Variants in ROBO2 observed in about 807,000 individuals in gnomAD.
ROBO2 encodes roundabout guidance receptor 2.
Under a neutral mutation model 160.8 loss-of-function variants are expected in ROBO2, and 53 were observed. The observed-to-expected ratio is 0.33, with a 90% CI of 0.26 to 0.41. The LOEUF (loss-of-function observed/expected upper bound fraction) is 0.41. ROBO2 is among the 10% of genes least tolerant of loss of function. ROBO2 has a pLI of 1.00. For missense variants in ROBO2, 1,577 were observed against 1,722.4 expected (o/e 0.92, Z 1.49); for synonymous variants, 664 against 611.7 (o/e 1.09, Z -1.26).
At chr3:76,867,244 T>C (rs2071478829) in intron 2 of ROBO2, among the ~76,000 whole-genome samples, 8 of 152,160 alleles carry the variant, frequency 5.3e-5, no homozygotes, top group Admixed American at 5.2e-4. Flanking sequence ...AAACTTGTCA[T>C]TCGGGCTGTC....
chr3:75,986,536 A>T (rs1012494127), intron 2 of ROBO2, among the ~76,000 whole-genome samples: 4 of 151,364 alleles, frequency 2.6e-5, no homozygotes, highest in Admixed American at 6.6e-5. Flanking sequence ...GCAGTTTTTT[A>T]AAAAAAGTTT....
intron 2 of ROBO2, among the ~76,000 whole-genome samples, chr3:77,203,183 C>T (rs911002466): frequency 6.6e-6 from 1 of 152,182 alleles, no homozygotes; most frequent in Non-Finnish European, 1.5e-5. Flanking sequence ...AAAAGCACTG[C>T]ACATAAATGT....
At chr3:76,389,714 GTGATGAAGCTT>G (rs1361543856) in intron 2 of ROBO2, among the ~76,000 whole-genome samples, 1 of 152,170 alleles carries the variant, frequency 6.6e-6, no homozygotes, top group Non-Finnish European at 1.5e-5. Context: ...GTTACAAGCT[GTGATGAAGCTT>G]CTTATGAAGT....
intron 2 of ROBO2, among the ~76,000 whole-genome samples, chr3:76,991,073 TACTTA>T (rs2060640015): frequency 6.6e-6 from 1 of 152,144 alleles, no homozygotes; most frequent in South Asian, 2.1e-4. Flanking sequence ...CTTCCAAGTG[TACTTA>T]ACTTTCTTTT....
At chr3:77,052,064 G>A (rs1274361957) in intron 1 of ROBO2, among the ~76,000 whole-genome samples, 1 of 152,126 alleles carries the variant, frequency 6.6e-6, no homozygotes, top group East Asian at 1.9e-4. Flanking sequence ...TTTTCTCTTT[G>A]AGCAGATGAC....
chr3:77,125,842 TAAAC>T (rs772047149), intron 2 of ROBO2, among the ~76,000 whole-genome samples: 78 of 152,304 alleles, frequency 5.1e-4, no homozygotes, highest in Non-Finnish European at 8.2e-4. Flanking sequence ...TATCATAAAA[TAAAC>T]TATATACAAT....
intron 2 of ROBO2, among the ~76,000 whole-genome samples, chr3:76,031,710 A>C (rs1173759475): frequency 1.3e-5 from 2 of 152,080 alleles, no homozygotes; most frequent in African/African-American, 4.8e-5. Flanking sequence ...CCAGGGATGA[A>C]GCCAACTCGA....
rs1306315316 is a variant in ROBO2, at chr3:77,322,909, T to G, written c.389-154505T>G. 1.1e-4 allele frequency among the ~76,000 whole-genome samples: 12 copies of G among 113,012 alleles called. 2 individuals carry two copies. Among genetic ancestry groups the G allele is most frequent in the African/African-American group, 7.2e-5 (2 of 27,906 alleles). The allele number at this position is 113,012 out of a possible 152,430, so 74.1% of individuals were successfully genotyped here. ...TATATTATACATATATTATGTATTA[T>G]AATATATTATATATTATGGATAATA... On this transcript the variant is annotated intron_variant, in intron 2 of 25. Transcript: ENST00000461745.
chr3:76,849,814 C>T (rs2069145231), intron 2 of ROBO2, among the ~76,000 whole-genome samples: 1 of 152,112 alleles, frequency 6.6e-6, no homozygotes, highest in South Asian at 2.1e-4. Flanking sequence ...CTTACTCTGC[C>T]ATCTTGACAA....
At chr3:76,565,444 C>T (rs2108529181) in intron 2 of ROBO2, among the ~76,000 whole-genome samples, 1 of 152,120 alleles carries the variant, frequency 6.6e-6, no homozygotes, top group East Asian at 1.9e-4. Context: ...CTCTAAAATT[C>T]CACAGTTCTT....
At chr3:77,117,906 A>G (rs1579124849) in intron 2 of ROBO2, among the ~76,000 whole-genome samples, 1 of 152,332 alleles carries the variant, frequency 6.6e-6, no homozygotes, top group East Asian at 1.9e-4. Flanking sequence ...ATTTTCACAC[A>G]TTCTCTTGAA....
intron 2 of ROBO2, among the ~76,000 whole-genome samples, chr3:76,803,808 T>C (rs989149870): frequency 6.6e-6 from 1 of 152,118 alleles, no homozygotes; most frequent in Admixed American, 6.5e-5. Flanking sequence ...AATGTTAGGA[T>C]GTCTAGAGGG....
chr3:75,986,473 A>AT (rs535297966), intron 2 of ROBO2, among the ~76,000 whole-genome samples: 46 of 149,408 alleles, frequency 3.1e-4, no homozygotes, highest in Middle Eastern at 3.4e-3. Flanking sequence ...TCATTTGCAA[A>AT]TTTTTTTTTC....
At chr3:77,397,914 G>A (rs907981017) in intron 2 of ROBO2, among the ~76,000 whole-genome samples, 5 of 151,774 alleles carry the variant, frequency 3.3e-5, no homozygotes, top group Non-Finnish European at 7.4e-5. Flanking sequence ...AAAATTAGGA[G>A]CAACAAAGAA....
chr3:76,633,715 T>C (rs1160025288), intron 2 of ROBO2, among the ~76,000 whole-genome samples: 1 of 152,214 alleles, frequency 6.6e-6, no homozygotes, highest in Non-Finnish European at 1.5e-5. Context: ...TGTGGATTAA[T>C]CTGCACAACA....
At chr3:77,437,807 A>G (rs534453807) in intron 2 of ROBO2, among the ~76,000 whole-genome samples, 10 of 152,102 alleles carry the variant, frequency 6.6e-5, no homozygotes, top group African/African-American at 1.9e-4. Context: ...AATGTCCCCA[A>G]TAAAATATGA....
At chr3:77,456,433 A>G (rs1057452889) in intron 2 of ROBO2, among the ~76,000 whole-genome samples, 1 of 152,214 alleles carries the variant, frequency 6.6e-6, no homozygotes, top group Non-Finnish European at 1.5e-5. Flanking sequence ...GTGAAAAAAC[A>G]CTTAATGATG....
intron 2 of ROBO2, among the ~76,000 whole-genome samples, chr3:76,578,990 G>A (rs931649258): frequency 3.9e-5 from 6 of 152,122 alleles, no homozygotes; most frequent in Non-Finnish European, 8.8e-5. Context: ...CTAGCCAGGT[G>A]ATTTTCTCTA....
chr3:77,617,227 G>A (rs2094799846), intron 21 of ROBO2, among the ~76,000 whole-genome samples: 1 of 114,708 alleles, frequency 8.7e-6, no homozygotes, highest in Admixed American at 9.2e-5. Flanking sequence ...TTCCACATGA[G>A]TAAGTTTGTT....
Sources: allele counts gnomAD v4.1 joint callset (sites outside exome capture counted in the v4.1 genomes callset), GRCh38; gene constraint gnomAD v4.1.1; transcripts MANE v1.5; gene names NCBI Gene and HGNC (gene_info 2026-07-23, HGNC 2026-07-21).